Variants in GRM7 observed in about 807,000 individuals in gnomAD.
GRM7 encodes the protein metabotropic glutamate receptor 7.
Under a neutral mutation model 84.5 loss-of-function variants are expected in GRM7, and 35 were observed. The observed-to-expected ratio is 0.41, with a 90% CI of 0.32 to 0.55. GRM7 has a LOEUF of 0.55. Among genes scored for constraint, GRM7 ranks in the 20% least tolerant of loss-of-function variants. GRM7 has a pLI of 0.19. For missense variants in GRM7, 1,003 were observed against 1,194.6 expected, an observed-to-expected ratio of 0.84 and a Z score of 2.36; for synonymous variants, 487 against 455.1, an observed-to-expected ratio of 1.07 and a Z score of -0.89.
chr3:6,891,236 A>C (rs1410979659), intron 1 of GRM7, among the ~76,000 whole-genome samples: 2 of 152,080 alleles, frequency 1.3e-5, no homozygotes, highest in Non-Finnish European at 2.9e-5. Flanking sequence ...ATTTACATTT[A>C]AAGTTAATAT....
intron 9 of GRM7, among the ~76,000 whole-genome samples, chr3:7,711,101 G>C (rs914803564): frequency 1.3e-5 from 2 of 152,122 alleles, no homozygotes; most frequent in African/African-American, 4.8e-5. Context: ...AGACACAGTG[G>C]TATCCACGAT....
intron 8 of GRM7, among the ~76,000 whole-genome samples, chr3:7,601,663 T>C (rs1696317498): frequency 6.6e-6 from 1 of 152,048 alleles, no homozygotes. Flanking sequence ...TGTTCTCGTG[T>C]ATAGGAAGTC....
intron 4 of GRM7, among the ~76,000 whole-genome samples, chr3:7,412,296 C>T (rs575229769): frequency 6.6e-6 from 1 of 152,304 alleles, no homozygotes; most frequent in East Asian, 1.9e-4. Context: ...AGAAGGCAGC[C>T]ATCAGGACTC....
At position 7,740,679 on chromosome 3, in the gene GRM7, C is replaced by T. The variant is rs1483610509; in HGVS notation, c.*273C>T. The T allele has an allele frequency of 2.1e-5, 7 of 337,308 alleles. No individual in the cohort carries two copies. The highest frequency in any genetic ancestry group is 1.5e-4 in the East Asian group (3 of 19,564). The allele number at this position is 337,308 out of a possible 1,614,324, so 20.9% of individuals were successfully genotyped here. A position where few individuals can be genotyped will look rare whatever the true frequency, so the allele number is the denominator to read the frequency against. On this transcript the variant is annotated 3_prime_UTR_variant, in exon 10 of 10. Transcript: ENST00000357716. ...AAAGGGAGTGTTGAAACTCAAGTCC[C>T]GCCCTGGCTCTTTAGAATGGACCAC...
intron 4 of GRM7, among the ~76,000 whole-genome samples, chr3:7,365,684 C>G (rs927317035): frequency 1.4e-5 from 2 of 146,776 alleles, no homozygotes; most frequent in Admixed American, 1.4e-4. Flanking sequence ...CACACACACA[C>G]ACATATATAT....
intron 1 of GRM7, among the ~76,000 whole-genome samples, chr3:7,025,028 CT>C (rs1695927341): frequency 6.6e-6 from 1 of 152,182 alleles, no homozygotes; most frequent in Non-Finnish European, 1.5e-5. Context: ...TTTTCTTGCC[CT>C]TTTCAAGTTT....
At chr3:7,643,276 T>C (rs1698444860) in intron 8 of GRM7, among the ~76,000 whole-genome samples, 1 of 115,112 alleles carries the variant, frequency 8.7e-6, no homozygotes, top group Non-Finnish European at 1.8e-5. Context: ...TTCTGAGAAC[T>C]GGTTGCAACT....
At chr3:6,897,363 CTG>C (rs1239891137) in intron 1 of GRM7, among the ~76,000 whole-genome samples, 1 of 152,158 alleles carries the variant, frequency 6.6e-6, no homozygotes, top group Non-Finnish European at 1.5e-5. Flanking sequence ...GCCCCAGTGT[CTG>C]TGTTTTAACA....
intron 2 of GRM7, among the ~76,000 whole-genome samples, chr3:7,281,253 A>G (rs1575115949): frequency 6.6e-6 from 1 of 152,308 alleles, no homozygotes; most frequent in East Asian, 1.9e-4. Context: ...TTTTTTAAAT[A>G]TTGTATTTTA....
chr3:7,215,355 A>G (rs1158090703), intron 2 of GRM7, among the ~76,000 whole-genome samples: 3 of 152,094 alleles, frequency 2.0e-5, no homozygotes, highest in Non-Finnish European at 4.4e-5. Flanking sequence ...CACTTGTTTG[A>G]AGTGATATTA....
At chr3:7,427,171 C>T (rs712778) in intron 5 of GRM7, among the ~76,000 whole-genome samples, 55,193 of 152,036 alleles carry the variant, frequency 0.36, 10,959 homozygotes, top group African/African-American at 0.52. Context: ...CAAGTGTTCC[C>T]ACTTTAAGGA....
At chr3:7,178,943 A>C (rs978636564) in intron 2 of GRM7, among the ~76,000 whole-genome samples, 1 of 80,880 alleles carries the variant, frequency 1.2e-5, no homozygotes, top group Non-Finnish European at 2.6e-5. Context: ...ACAAAAAAAT[A>C]CAAAAAAAAA....
intron 1 of GRM7, among the ~76,000 whole-genome samples, chr3:6,969,334 G>T (rs558210030): frequency 1.3e-5 from 2 of 152,124 alleles, no homozygotes; most frequent in Non-Finnish European, 2.9e-5. Context: ...TATAATATCT[G>T]TTTCCATCTT....
chr3:7,294,954 G>T (rs533629997), intron 2 of GRM7, among the ~76,000 whole-genome samples: 2 of 152,082 alleles, frequency 1.3e-5, no homozygotes, highest in Non-Finnish European at 2.9e-5. Context: ...CAAGTGTCTG[G>T]CTTGTGCTTT....
chr3:7,723,775 A>G (rs1702030753), intron 9 of GRM7, among the ~76,000 whole-genome samples: 1 of 152,138 alleles, frequency 6.6e-6, no homozygotes, highest in African/African-American at 2.4e-5. Context: ...AGAACCCAGG[A>G]GTTTGAGGTT....
intron 1 of GRM7, among the ~76,000 whole-genome samples, chr3:6,895,918 C>T (rs989946310): frequency 3.3e-5 from 5 of 151,826 alleles, no homozygotes; most frequent in African/African-American, 4.8e-5. Context: ...GAGGTGCAGA[C>T]GACATTGAGA....
At chr3:6,887,943 T>C (rs923956802) in intron 1 of GRM7, among the ~76,000 whole-genome samples, 4 of 152,230 alleles carry the variant, frequency 2.6e-5, no homozygotes, top group African/African-American at 4.8e-5. Flanking sequence ...TGAGATAGTA[T>C]CTCATTGTGG....
intron 7 of GRM7, among the ~76,000 whole-genome samples, chr3:7,527,795 T>A (rs1229603732): frequency 6.6e-6 from 1 of 152,030 alleles, no homozygotes; most frequent in African/African-American, 2.4e-5. Context: ...TGCATGGGTT[T>A]TTTAAAATTC....
In GRM7 at chr3:6,928,549, C is replaced by G. The variant is rs1051708492; in HGVS notation, c.519+66642C>G. Among the ~76,000 whole-genome samples, 3 of 151,982 alleles carry G rather than the reference C, an allele frequency of 2.0e-5. No homozygotes were observed. Among genetic ancestry groups the G allele is most frequent in the Non-Finnish European group, 4.4e-5 (3 of 67,994 alleles). On this transcript the variant is annotated intron_variant, in intron 1 of 9. Coordinates refer to ENST00000357716, the MANE Select transcript of GRM7 (RefSeq NM_000844.4). This position sits in a 1 kb window ranked among gnomAD's most constrained non-coding sequence, Gnocchi z 4.5. The stretch of plus-strand genomic sequence containing the variant: ...GTTTTTCCTAACCAAGTGCCATATA[C>G]CTTTTAAAATAAATGTTTGTAATTA...
Sources: allele counts gnomAD v4.1 joint callset (sites outside exome capture counted in the v4.1 genomes callset), GRCh38; gene constraint gnomAD v4.1.1; non-coding constraint Gnocchi (gnomAD v3.1); transcripts MANE v1.5; gene names NCBI Gene and HGNC (gene_info 2026-07-23, HGNC 2026-07-21).